ARK2C: variants seen among roughly 807,000 people sequenced by gnomAD.
ARK2C encodes arkadia (RNF111) C-terminal like ring finger ubiquitin ligase 2C.
chr18:46,423,399 C>G, the ARK2C span, among the ~76,000 whole-genome samples: 2 of 152,218 alleles, frequency 1.3e-5, no homozygotes, highest in African/African-American at 4.8e-5. Flanking sequence ...AGGCCAGGAG[C>G]TAGTGCTTTG....
At chr18:46,435,130 T>C in the ARK2C span, among the ~76,000 whole-genome samples, 1 of 152,082 alleles carries the variant, frequency 6.6e-6, no homozygotes, top group Non-Finnish European at 1.5e-5. Flanking sequence ...TCCTTGGAGT[T>C]TGTCAAGAGT....
chr18:46,411,578 C>T, the ARK2C span, among the ~76,000 whole-genome samples: 2 of 152,200 alleles, frequency 1.3e-5, no homozygotes, highest in African/African-American at 2.4e-5. Context: ...TTCTGCCTCA[C>T]GGAGTTGATA....
At chr18:46,362,548 A>G in the ARK2C span, among the ~76,000 whole-genome samples, 988 of 152,316 alleles carry the variant, frequency 6.5e-3, 6 homozygotes, top group Non-Finnish European at 0.011. Context: ...CCTGAAGAAC[A>G]GCATAGAAGC....
chr18:46,452,694 T>C, the ARK2C span, among the ~76,000 whole-genome samples: 1 of 152,216 alleles, frequency 6.6e-6, no homozygotes, highest in African/African-American at 2.4e-5. Flanking sequence ...CCAGGGGAAA[T>C]TAAAAGCTTG....
chr18:46,342,040 G>T, the ARK2C span, among the ~76,000 whole-genome samples: 2 of 152,200 alleles, frequency 1.3e-5, no homozygotes, highest in African/African-American at 4.8e-5. Context: ...CTGATCTCAA[G>T]ATTGGTCCTG....
At chr18:46,432,595 C>A in the ARK2C span, among the ~76,000 whole-genome samples, 1 of 152,126 alleles carries the variant, frequency 6.6e-6, no homozygotes, top group Admixed American at 6.5e-5. Flanking sequence ...AAAGGCCAAG[C>A]TTTAGGAACC....
chr18:46,445,615 G>A, the ARK2C span, among the ~76,000 whole-genome samples: 2 of 152,110 alleles, frequency 1.3e-5, no homozygotes, highest in Non-Finnish European at 2.9e-5. Flanking sequence ...CTGGAAATAA[G>A]ATCTCTGAAT....
the ARK2C span, among the ~76,000 whole-genome samples, chr18:46,360,703 C>T: frequency 6.6e-6 from 1 of 152,180 alleles, no homozygotes; most frequent in African/African-American, 2.4e-5. Context: ...CTGCCCTGCC[C>T]CTGGCCTGCC....
the ARK2C span, among the ~76,000 whole-genome samples, chr18:46,439,044 C>T: frequency 6.6e-6 from 1 of 152,218 alleles, no homozygotes. Flanking sequence ...TGCATGGAGT[C>T]TGTGAGAGTG....
the ARK2C span, among the ~76,000 whole-genome samples, chr18:46,369,434 G>C: frequency 6.6e-6 from 1 of 152,088 alleles, no homozygotes; most frequent in Non-Finnish European, 1.5e-5. Flanking sequence ...TGATTGACTC[G>C]GGAAGAAGAG....
At chr18:46,337,692 C>T in the ARK2C span, 12 of 815,412 alleles carry the variant, frequency 1.5e-5, no homozygotes, top group African/African-American at 9.3e-5. Context: ...CATTTATTGT[C>T]GTATCCTGCT....
At chr18:46,366,449 C>T in the ARK2C span, among the ~76,000 whole-genome samples, 6 of 152,170 alleles carry the variant, frequency 3.9e-5, no homozygotes, top group Non-Finnish European at 8.8e-5. Context: ...CAGAGGACTT[C>T]TCATTCTCCC....
At chr18:46,357,610 C>T in the ARK2C span, among the ~76,000 whole-genome samples, 1 of 152,156 alleles carries the variant, frequency 6.6e-6, no homozygotes, top group Non-Finnish European at 1.5e-5. Context: ...CAGTCCCTCT[C>T]TATCATCTCT....
At chr18:46,415,649 C>T in the ARK2C span, among the ~76,000 whole-genome samples, 3 of 152,142 alleles carry the variant, frequency 2.0e-5, no homozygotes, top group Admixed American at 2.0e-4. Context: ...GAAAGACGGG[C>T]TTGGAATCAA....
the ARK2C span, among the ~76,000 whole-genome samples, chr18:46,449,664 A>T: frequency 2.0e-5 from 3 of 152,126 alleles, no homozygotes; most frequent in Non-Finnish European, 4.4e-5. Flanking sequence ...ATAAGATCTG[A>T]TGGTTTTACA....
At chr18:46,423,505 A>G in the ARK2C span, among the ~76,000 whole-genome samples, 1 of 152,224 alleles carries the variant, frequency 6.6e-6, no homozygotes, top group East Asian at 1.9e-4. Flanking sequence ...CACCAGGACC[A>G]TGGCATGTTA....
the ARK2C span, among the ~76,000 whole-genome samples, chr18:46,382,603 C>T: frequency 6.6e-6 from 1 of 152,182 alleles, no homozygotes; most frequent in Non-Finnish European, 1.5e-5. Flanking sequence ...GCTCAGTTAG[C>T]CTTGCATGAC....
chr18:46,337,716 C>T, the ARK2C span: 1 of 683,748 alleles, frequency 1.5e-6, no homozygotes, highest in Non-Finnish European at 1.8e-6. Flanking sequence ...TAGATTTTCC[C>T]CCCTTGCTTT....
chr18:46,394,070 C>T, the ARK2C span, among the ~76,000 whole-genome samples: 10 of 152,170 alleles, frequency 6.6e-5, no homozygotes, highest in African/African-American at 1.9e-4. Flanking sequence ...CCTCGGGTAC[C>T]GGAAATCCTG....
Sources: allele counts gnomAD v4.1 joint callset (sites outside exome capture counted in the v4.1 genomes callset), GRCh38; gene constraint gnomAD v4.1.1; transcripts MANE v1.5; gene names NCBI Gene and HGNC (gene_info 2026-07-23, HGNC 2026-07-21).